TSHR: variants seen among roughly 807,000 people sequenced by gnomAD.
TSHR encodes thyroid stimulating hormone receptor.
Under a neutral mutation model 64.1 loss-of-function variants are expected in TSHR, and 51 were observed. That is an observed-to-expected ratio of 0.80 (90% confidence interval 0.64 to 1.01). TSHR has a LOEUF of 1.01. Ranked by LOEUF, TSHR falls within the 50% of genes least tolerant of loss-of-function variation. The probability of loss-of-function intolerance (pLI) is 0.00; values close to 1 mark genes in which losing one functional copy is unlikely to be tolerated. For synonymous variants in TSHR, 361 were observed against 361.9 expected, an observed-to-expected ratio of 1.00 and a Z score of 0.03; for missense variants, 877 against 942.8, an observed-to-expected ratio of 0.93 and a Z score of 0.91.
At position 81,105,131 on chromosome 14, in the gene TSHR, A is replaced by G. The variant is rs949202697; in HGVS notation, c.615-3244A>G. 1.5e-5 allele frequency: 15 copies of G among 985,218 alleles called. No homozygotes were observed. The African/African-American group carries it at 1.9e-4, about 13-fold the overall frequency. 61.0% of individuals were successfully genotyped at this position (985,218 alleles called of 1,614,324 possible). ...TCATTTTCTAGAGTAGGTTAACCAG[A>G]TAGCCTACCAAGATTTGTGACTGAT... On this transcript the variant is annotated intron_variant, in intron 7 of 9. Coordinates refer to ENST00000298171, the MANE Select transcript of TSHR (RefSeq NM_000369.5).
At chr14:81,126,076 T>C (rs1891009783) in intron 8 of TSHR, among the ~76,000 whole-genome samples, 1 of 151,882 alleles carries the variant, frequency 6.6e-6, no homozygotes, top group African/African-American at 2.4e-5. Context: ...TCCCCCAAAA[T>C]CCTAATTTAT....
At chr14:81,066,792 G>A (rs770048302) in intron 2 of TSHR, among the ~76,000 whole-genome samples, 6 of 152,160 alleles carry the variant, frequency 3.9e-5, no homozygotes, top group Non-Finnish European at 7.4e-5. Context: ...CCTTCAGGTA[G>A]TTTAATTGCA....
At position 81,005,197 on chromosome 14, in the gene TSHR, TTGTGTGTG is replaced by T. The variant is rs71103894; in HGVS notation, c.170+49384_170+49391del. Among the ~76,000 whole-genome samples the T allele has an allele frequency of 4.2e-3, 634 of 149,902 alleles. 9 individuals are homozygous for T. The highest frequency in any genetic ancestry group is 0.015 in the African/African-American group (591 of 40,502). ...CTTCTCATGAAGGGGACTCAAGCCT[TTGTGTGTG>T]TGTGTGTGTGTGTGTGTGTGTGTGT... On this transcript the variant is annotated intron_variant, in intron 1 of 9. Transcript: ENST00000298171.
At chr14:81,128,048 T>A (rs1185295728) in intron 8 of TSHR, among the ~76,000 whole-genome samples, 1 of 152,210 alleles carries the variant, frequency 6.6e-6, no homozygotes, top group Non-Finnish European at 1.5e-5. Flanking sequence ...CTGAAAGATT[T>A]CATAGATCAT....
At chr14:81,034,480 G>C (rs1884521517) in intron 1 of TSHR, among the ~76,000 whole-genome samples, 1 of 152,302 alleles carries the variant, frequency 6.6e-6, no homozygotes, top group African/African-American at 2.4e-5. Context: ...TGAAGTTTCT[G>C]AAGGGCCCTG....
chr14:80,976,060 C>T (rs1422341323), intron 1 of TSHR, among the ~76,000 whole-genome samples: 4 of 152,078 alleles, frequency 2.6e-5, no homozygotes, highest in South Asian at 2.1e-4. Context: ...TACAGGCACC[C>T]GCAACCACGC....
At chr14:81,139,555 T>G in intron 8 of TSHR, 124 bp from the exon 9 acceptor site, 1 of 983,072 alleles carries the variant, frequency 1.0e-6, no homozygotes, top group South Asian at 1.4e-5. Context: ...GCTTATGTAC[T>G]CAGTAGAAGA....
intron 1 of TSHR, among the ~76,000 whole-genome samples, chr14:80,990,362 C>A (rs944848053): frequency 6.6e-6 from 1 of 152,190 alleles, no homozygotes; most frequent in African/African-American, 2.4e-5. Context: ...GTCCCCATAT[C>A]GTCTCATATC....
At position 81,082,549 on chromosome 14, in the gene TSHR, G is replaced by A. The variant is rs533223633; in HGVS notation, c.318-5405G>A. Among the ~76,000 whole-genome samples, 11 of 152,212 alleles carry A rather than the reference G, an allele frequency of 7.2e-5. No individual in the cohort carries two copies. The East Asian group carries it at 1.9e-3, about 27-fold the overall frequency. On this transcript the variant is annotated intron_variant, in intron 3 of 9. Transcript: ENST00000298171. The stretch of plus-strand genomic sequence containing the variant: ...GAGTGCACTCAATAATAAAGATATC[G>A]TCCTGTATACACCCCAAGGTCTCTC...
chr14:81,024,068 C>G (rs1412239513), intron 1 of TSHR, among the ~76,000 whole-genome samples: 1 of 152,172 alleles, frequency 6.6e-6, no homozygotes, highest in Non-Finnish European at 1.5e-5. Flanking sequence ...TTGGCAAAAC[C>G]TGATTCTCCT....
At chr14:81,109,704 G>C (rs1890139638) in intron 8 of TSHR, among the ~76,000 whole-genome samples, 1 of 152,136 alleles carries the variant, frequency 6.6e-6, no homozygotes. Context: ...CTTTCAGACT[G>C]AATGCACCCA....
Position 81,143,201 on chromosome 14 carries a change from T to G in TSHR, c.1143T>G (p.Phe381Leu). The G allele has an allele frequency of 6.2e-7, 1 of 1,614,168 alleles. No homozygotes were observed. Among genetic ancestry groups the G allele is most frequent in the Non-Finnish European group, 8.5e-7 (1 of 1,180,018 alleles). Residue 381 changes from phenylalanine (F) to leucine (L), a missense_variant, in exon 10 of 10, where the codon TTT (phenylalanine) becomes TTG (leucine). Transcript: ENST00000298171. ...CCCAGGAAGAGACTCTACAAGCTTT[T>G]GACAGCCATTATGACTACACCATAT... ...KNPQEETLQA[F>L]DSHYDYTICG...
intron 1 of TSHR, among the ~76,000 whole-genome samples, chr14:81,036,736 TG>T (rs1324448560): frequency 6.6e-6 from 1 of 152,188 alleles, no homozygotes; most frequent in Non-Finnish European, 1.5e-5. Context: ...AACTTTCAGT[TG>T]TCTAGTTTGA....
intron 3 of TSHR, among the ~76,000 whole-genome samples, chr14:81,083,819 G>A (rs1041525851): frequency 1.2e-4 from 19 of 152,158 alleles, no homozygotes; most frequent in African/African-American, 3.9e-4. Context: ...TGGCTGGGGA[G>A]GCCTCAGGAA....
intron 8 of TSHR, among the ~76,000 whole-genome samples, chr14:81,128,194 TTAA>T (rs1230959772): frequency 4.6e-5 from 7 of 152,348 alleles, no homozygotes; most frequent in African/African-American, 1.7e-4. Context: ...AATTTTCTTG[TTAA>T]TAATAAGTCA....
chr14:81,084,792 G>A (rs1476419999), intron 3 of TSHR, among the ~76,000 whole-genome samples: 3 of 152,212 alleles, frequency 2.0e-5, no homozygotes, highest in African/African-American at 7.2e-5. Context: ...TCAAAATGGT[G>A]TGATTCAAAT....
chr14:81,032,462 C>T, intron 1 of TSHR: 1 of 311,308 alleles, frequency 3.2e-6, no homozygotes, highest in South Asian at 4.0e-5. Flanking sequence ...CAAAGAATTT[C>T]CCTTGTAAAA....
At chr14:81,079,760 G>C (rs1486981682) in intron 3 of TSHR, among the ~76,000 whole-genome samples, 3 of 151,900 alleles carry the variant, frequency 2.0e-5, no homozygotes, top group African/African-American at 7.3e-5. Flanking sequence ...GGAAGTTGAG[G>C]CGGGAGGATC....
chr14:81,017,636 C>T (rs1883487931), intron 1 of TSHR, among the ~76,000 whole-genome samples: 1 of 152,028 alleles, frequency 6.6e-6, no homozygotes, highest in Admixed American at 6.6e-5. Context: ...AAGATACATT[C>T]CAAACAAATA....
Sources: allele counts gnomAD v4.1 joint callset (sites outside exome capture counted in the v4.1 genomes callset), GRCh38; gene constraint gnomAD v4.1.1; transcripts MANE v1.5; gene names NCBI Gene and HGNC (gene_info 2026-07-23, HGNC 2026-07-21).